KCTD18: variants seen among roughly 807,000 people sequenced by gnomAD.
KCTD18 encodes BTB/POZ domain-containing protein KCTD18.
A neutral mutation model predicts 30.4 loss-of-function variants in KCTD18; 22 were observed. That is an observed-to-expected ratio of 0.72 (90% CI 0.52 to 1.03). KCTD18 has a LOEUF of 1.03. KCTD18 is among the 50% of genes least tolerant of loss of function. The probability of loss-of-function intolerance (pLI) is 0.00; values close to 1 mark genes in which losing one functional copy is unlikely to be tolerated. For missense variants in KCTD18, 529 were observed against 547.6 expected (o/e 0.97, Z 0.34); for synonymous variants, 186 against 209.0 (o/e 0.89, Z 0.95).
intron 6 of KCTD18, among the ~76,000 whole-genome samples, chr2:200,492,811 C>T (rs994346467): frequency 3.4e-5 from 5 of 148,298 alleles, no homozygotes; most frequent in African/African-American, 4.9e-5. Context: ...CAAGAAATTT[C>T]AAGTATTAAG....
intron 3 of KCTD18, among the ~76,000 whole-genome samples, chr2:200,504,122 A>T: frequency 6.6e-6 from 1 of 152,362 alleles, no homozygotes; most frequent in Middle Eastern, 3.4e-3. Context: ...AGTAAATAAA[A>T]TAATACCACT....
At chr2:200,504,275 G>A (rs1325389997) in intron 3 of KCTD18, among the ~76,000 whole-genome samples, 2 of 152,018 alleles carry the variant, frequency 1.3e-5, no homozygotes, top group African/African-American at 4.8e-5. Context: ...TGGCTAACAC[G>A]GTGAAACCCC....
At chr2:200,502,374 T>C (rs2029902962) in intron 3 of KCTD18, among the ~76,000 whole-genome samples, 1 of 152,044 alleles carries the variant, frequency 6.6e-6, no homozygotes, top group Non-Finnish European at 1.5e-5. Context: ...TTTAGAGTAA[T>C]TTCCCCAAAA....
intron 5 of KCTD18, among the ~76,000 whole-genome samples, chr2:200,493,700 C>T (rs11884301): frequency 0.54 from 82,757 of 152,130 alleles, 22,777 homozygotes; most frequent in South Asian, 0.58. Flanking sequence ...TGAAGGACCA[C>T]TGTGATGATT....
At position 200,507,005 on chromosome 2, in the gene KCTD18, G is replaced by A. The variant is rs764972615; in HGVS notation, c.12C>T (p.His4=). ...CATCTAGCACCTCTTCTTCTGCCTTGTGGCCTTCCATTTCTCCCCCAGGCA... is the reference window on the plus strand; with the variant it reads ...CATCTAGCACCTCTTCTTCTGCCTTATGGCCTTCCATTTCTCCCCCAGGCA... MEG[H]KAEEEVLDVL... is the part of the protein sequence containing the mutation. The change falls in exon 2 of 7, where the codon CAC becomes CAT. Residue 4 remains histidine (H), a synonymous_variant. Coordinates refer to ENST00000359878, the MANE Select transcript of KCTD18 (RefSeq NM_152387.4). 1.9e-6 allele frequency: 3 copies of A among 1,602,618 alleles called. No individual in the cohort carries two copies. Among genetic ancestry groups the A allele is most frequent in the African/African-American group, 1.3e-5 (1 of 74,660 alleles).
At position 200,490,494 on chromosome 2, in the gene KCTD18, G is replaced by A. The variant is rs780719949; in HGVS notation, c.887C>T (p.Thr296Met). 1.2e-5 allele frequency: 19 copies of A among 1,611,244 alleles called. No individual in the cohort carries two copies. The highest frequency in any genetic ancestry group is 5.5e-5 in the South Asian group (5 of 91,080). The part of the protein sequence containing the change: ...QIKVKNSASV[T>M]VSPASAIQTS... Reference sequence around the variant, plus strand: ...CTGGATGGCACTGGCTGGAGACACCGTGACTGAGGCCGAGTTCTTGACTTT... The same window carrying A: ...CTGGATGGCACTGGCTGGAGACACCATGACTGAGGCCGAGTTCTTGACTTT... Residue 296 changes from threonine (T) to methionine (M), a missense_variant, in exon 7 of 7, where the codon ACG becomes ATG. Physicochemically the swap from Thr to Met is moderately conservative, Grantham distance 81. Transcript: ENST00000359878.
intron 5 of KCTD18, chr2:200,495,937 T>A (rs1001468371): frequency 9.2e-5 from 14 of 152,160 alleles, no homozygotes; most frequent in South Asian, 2.1e-4. Flanking sequence ...GTGGGAGTTA[T>A]TTATATCCTA....
chr2:200,500,680 C>G (rs549938164), intron 3 of KCTD18, among the ~76,000 whole-genome samples: 107 of 151,418 alleles, frequency 7.1e-4, no homozygotes, highest in Admixed American at 1.3e-3. Flanking sequence ...TAGGAAGAAT[C>G]AATATTGTGA....
chr2:200,494,914 A>G (rs1226414915), intron 5 of KCTD18, among the ~76,000 whole-genome samples: 1 of 152,130 alleles, frequency 6.6e-6, no homozygotes, highest in Non-Finnish European at 1.5e-5. Context: ...ACAAAATGCA[A>G]CCTTTTGTGT....
chr2:200,497,566 A>C, intron 5 of KCTD18, 187 bp downstream of exon 5: 1 of 553,248 alleles, frequency 1.8e-6, no homozygotes, highest in Middle Eastern at 4.7e-4. Flanking sequence ...AACTATTAAT[A>C]ATATCTAGCA....
Position 200,503,003 on chromosome 2 carries a change from C to T in KCTD18, c.372+1745G>A, listed in dbSNP as rs1023137552. Among the ~76,000 whole-genome samples the T allele has an allele frequency of 6.0e-5, 9 of 149,378 alleles. No individual in the cohort carries two copies. In the Admixed American group the frequency reaches 6.0e-4, roughly 10 times the overall value. The stretch of plus-strand genomic sequence containing the variant: ...TGAGATCATGCAATTGCACTCCAGC[C>T]TGGGCAACAAGAGCAAGACTCCATC... On this transcript the variant is annotated intron_variant, in intron 3 of 6. Coordinates refer to ENST00000359878, the MANE Select transcript of KCTD18 (RefSeq NM_152387.4).
chr2:200,503,008 C>A (rs2029959652), intron 3 of KCTD18, among the ~76,000 whole-genome samples: 2 of 137,804 alleles, frequency 1.5e-5, no homozygotes, highest in Admixed American at 7.7e-5. Flanking sequence ...CCAGCCTGGG[C>A]AACAAGAGCA....
chr2:200,494,002 A>G (rs1477964161), intron 5 of KCTD18, among the ~76,000 whole-genome samples: 1 of 152,264 alleles, frequency 6.6e-6, no homozygotes, highest in Non-Finnish European at 1.5e-5. Flanking sequence ...CAAAAATGCC[A>G]TTCAAATTCA....
Position 200,489,939 on chromosome 2 carries a change from G to A in KCTD18, c.*161C>T, listed in dbSNP as rs1307828336. On this transcript the variant is annotated 3_prime_UTR_variant, in exon 7 of 7. Transcript: ENST00000359878. The stretch of plus-strand genomic sequence containing the variant: ...AGAAATGGAGCCTTAACCATTGAAA[G>A]TCTCCCCTCCTCCATTCCTAGCTCA... 2.9e-6 allele frequency: 2 copies of A among 691,524 alleles called. No individual in the cohort carries two copies. The highest frequency in any genetic ancestry group is 4.5e-6 in the Non-Finnish European group (2 of 440,168). The allele number at this position is 691,524 out of a possible 1,614,324, so 42.8% of individuals were successfully genotyped here.
At position 200,490,185 on chromosome 2, in the gene KCTD18, T is replaced by C; in HGVS notation, c.1196A>G (p.Gln399Arg). The C allele has an allele frequency of 6.2e-7, 1 of 1,613,806 alleles. No homozygotes were observed. The change falls in exon 7 of 7, where the codon CAG becomes CGG. Residue 399 changes from glutamine to arginine, a missense_variant. Transcript: ENST00000359878. ...GGGAAGCGGCTTGAGGGAGTTGGCC[T>C]GCCTCGTGGCCGTGGGGGAGGGCAG... ...PCLPSPTATR[Q>R]ANSLKPLPGE...
In KCTD18 at chr2:200,499,095, A is replaced by C. The variant is rs1164147122; in HGVS notation, c.373-11T>G. The C allele has an allele frequency of 6.4e-7, 1 of 1,560,350 alleles. No homozygotes were observed. The stretch of plus-strand genomic sequence containing the variant: ...GAAGTCTGTTAAAGCCTAAAGCAAA[A>C]AGTATATATAAAATTTGAATTTAAT... On this transcript the variant is annotated splice_polypyrimidine_tract_variant and intron_variant, in intron 3 of 6. Coordinates refer to ENST00000359878, the MANE Select transcript of KCTD18 (RefSeq NM_152387.4).
intron 6 of KCTD18, among the ~76,000 whole-genome samples, chr2:200,492,377 C>T (rs867393416): frequency 6.6e-6 from 1 of 152,278 alleles, no homozygotes; most frequent in Middle Eastern, 3.4e-3. Context: ...AGAACCACTG[C>T]TCTTGACTCA....
intron 2 of KCTD18, 81 bp downstream of exon 2, chr2:200,506,776 G>A (rs150848263): frequency 1.0e-5 from 13 of 1,275,794 alleles, no homozygotes; most frequent in South Asian, 7.5e-5. Flanking sequence ...AGTACATTTC[G>A]CTGTAATTAA....
intron 5 of KCTD18, 104 bp from the exon 6 acceptor site, chr2:200,493,378 C>T (rs986145309): frequency 2.2e-5 from 16 of 723,508 alleles, no homozygotes; most frequent in Middle Eastern, 2.4e-4. Flanking sequence ...TCATGCCTCC[C>T]GTTTGGCAAA....
Sources: allele counts gnomAD v4.1 joint callset (sites outside exome capture counted in the v4.1 genomes callset), GRCh38; gene constraint gnomAD v4.1.1; transcripts MANE v1.5; gene names NCBI Gene and HGNC (gene_info 2026-07-23, HGNC 2026-07-21).